Variants in SENP5 observed in about 807,000 individuals in gnomAD.
SENP5 encodes the protein sentrin-specific protease 5.
A neutral mutation model predicts 74.2 loss-of-function variants in SENP5; 21 were observed. The observed-to-expected ratio is 0.28, with a 90% CI of 0.20 to 0.41. The LOEUF (loss-of-function observed/expected upper bound fraction) is 0.41, where lower values mean the gene tolerates loss of function less well. Among genes scored for constraint, SENP5 ranks in the 10% least tolerant of loss-of-function variants. The pLI, the probability that SENP5 is intolerant of heterozygous loss-of-function variation, is 1.00. For synonymous variants in SENP5, 311 were observed against 312.7 expected, an observed-to-expected ratio of 0.99 and a Z score of 0.06; for missense variants, 717 against 889.1, an observed-to-expected ratio of 0.81 and a Z score of 2.46.
intron 1 of SENP5, among the ~76,000 whole-genome samples, chr3:196,869,173 AG>A (rs1316801785): frequency 1.3e-4 from 19 of 147,292 alleles, no homozygotes; most frequent in Admixed American, 1.0e-3. Context: ...GGTGCTGGGG[AG>A]GGGGGCTTCA....
intron 7 of SENP5, among the ~76,000 whole-genome samples, chr3:196,924,740 C>A (rs1216944642): frequency 6.6e-6 from 1 of 152,144 alleles, no homozygotes; most frequent in Non-Finnish European, 1.5e-5. Flanking sequence ...TTCTTGTTAT[C>A]TACTGCATAA....
chr3:196,926,502 T>G (rs1247878123), intron 7 of SENP5, among the ~76,000 whole-genome samples: 1 of 151,598 alleles, frequency 6.6e-6, no homozygotes, highest in East Asian at 1.9e-4. Flanking sequence ...AAAAAAGAAT[T>G]TATATATACT....
rs1314461389 is a variant in SENP5, at chr3:196,927,363, A to G, written c.2023-433A>G. On this transcript the variant is annotated intron_variant, in intron 7 of 9. Transcript: ENST00000323460. Reference sequence around the variant, plus strand: ...TACTGCTGGGAAGGGCTGGCTAACCATCTCATAAAACGTTCTGATTACACA... The same window carrying G: ...TACTGCTGGGAAGGGCTGGCTAACCGTCTCATAAAACGTTCTGATTACACA... 2.6e-5 allele frequency among the ~76,000 whole-genome samples: 4 copies of G among 152,312 alleles called. No individual in the cohort carries two copies. The East Asian group carries it at 7.7e-4, about 29-fold the overall frequency.
At chr3:196,920,755 T>C (rs1480241454) in intron 6 of SENP5, among the ~76,000 whole-genome samples, 4 of 152,232 alleles carry the variant, frequency 2.6e-5, no homozygotes, top group Non-Finnish European at 5.9e-5. Flanking sequence ...CCTATGGTTT[T>C]TCTTCTTTAT....
At chr3:196,910,229 C>T (rs1715065137) in intron 6 of SENP5, among the ~76,000 whole-genome samples, 1 of 151,608 alleles carries the variant, frequency 6.6e-6, no homozygotes, top group South Asian at 2.1e-4. Context: ...AACTACAAAC[C>T]ACTGCTCAAG....
intron 6 of SENP5, among the ~76,000 whole-genome samples, chr3:196,915,500 C>T (rs1486268984): frequency 6.6e-6 from 1 of 152,140 alleles, no homozygotes; most frequent in Admixed American, 6.5e-5. Flanking sequence ...AGGGAAGGGC[C>T]CAGTCTTGGA....
chr3:196,886,385 CAGA>C lies in SENP5; in HGVS notation c.1205_1207del (p.Gln402_Thr403delinsPro). 6.2e-7 allele frequency: 1 copy of C among 1,612,688 alleles called. No individual in the cohort carries two copies. The highest frequency in any genetic ancestry group is 1.7e-4 in the Middle Eastern group (1 of 6,048). ...AATTATGACTCTGGGTCAGGAAAAT[CAGA>C]CAAGTTCTGTCAGTGATGACAGAGT... is the stretch of plus-strand genomic sequence containing the variant. On this transcript the variant is annotated inframe_deletion, in exon 2 of 10. Transcript: ENST00000323460.
chr3:196,885,610 T>C lies in SENP5; in HGVS notation c.429T>C (p.Phe143=). 6.2e-7 allele frequency: 1 copy of C among 1,614,208 alleles called. No individual in the cohort carries two copies. Among genetic ancestry groups the C allele is most frequent in the East Asian group, 2.2e-5 (1 of 44,890 alleles). ...EKNLLKAVTD[F]PSNSALGQAN... is the part of the protein sequence containing the mutation. The stretch of plus-strand genomic sequence containing the variant: ...ATCTCTTGAAGGCAGTTACTGACTT[T>C]CCATCAAATAGTGCTTTAGGTCAGG... Residue 143 remains phenylalanine (F), a synonymous_variant, in exon 2 of 10, where the codon TTT becomes TTC. Transcript: ENST00000323460.
Position 196,885,401 on chromosome 3 carries a change from G to A in SENP5, c.220G>A (p.Glu74Lys). 4 of 1,614,174 alleles carry A rather than the reference G, an allele frequency of 2.5e-6. No individual in the cohort carries two copies. The highest frequency in any genetic ancestry group is 2.5e-6 in the Non-Finnish European group (3 of 1,180,014). The change falls in exon 2 of 10, where the codon GAA (glutamate) becomes AAA (lysine). Residue 74 changes from glutamate to lysine, a missense_variant. Around this residue, in one of 4 missense-constraint regions of SENP5, gnomAD observed 567 missense variants for 577.4 expected, o/e 0.98. Transcript: ENST00000323460. ...AATCCAGAAAACGTGGATCAAGGATGAACCCCTTTGTGCTAAGACCAAGTT... is the reference window on the plus strand; with the variant it reads ...AATCCAGAAAACGTGGATCAAGGATAAACCCCTTTGTGCTAAGACCAAGTT... ...LQIQKTWIKD[E>K]PLCAKTKFNV...
intron 2 of SENP5, among the ~76,000 whole-genome samples, chr3:196,895,320 G>C (rs892438744): frequency 6.6e-6 from 1 of 151,618 alleles, no homozygotes; most frequent in African/African-American, 2.4e-5. Flanking sequence ...CGAGTAGCTG[G>C]GACTACAGGC....
At chr3:196,902,516 C>T (rs1399772751) in intron 5 of SENP5, among the ~76,000 whole-genome samples, 1 of 152,208 alleles carries the variant, frequency 6.6e-6, no homozygotes, top group Non-Finnish European at 1.5e-5. Flanking sequence ...AACCAGATTA[C>T]TGGGCCCTGC....
intron 6 of SENP5, chr3:196,914,424 T>C (rs183028681): frequency 2.0e-5 from 3 of 151,384 alleles, no homozygotes; most frequent in East Asian, 1.9e-4. Context: ...GGGTAAAATA[T>C]TGTGATTGAT....
intron 1 of SENP5, among the ~76,000 whole-genome samples, chr3:196,877,111 G>A (rs1713510419): frequency 6.6e-6 from 1 of 151,974 alleles, no homozygotes; most frequent in South Asian, 2.1e-4. Context: ...TTTGAGGCCA[G>A]GAGTTCAAGA....
intron 6 of SENP5, chr3:196,913,840 G>T (rs1257347847): frequency 6.6e-6 from 1 of 151,846 alleles, no homozygotes; most frequent in African/African-American, 2.4e-5. Context: ...AGTAGAGACA[G>T]GTTTTGCCAC....
intron 6 of SENP5, among the ~76,000 whole-genome samples, chr3:196,909,790 A>G (rs769933513): frequency 6.6e-6 from 1 of 152,214 alleles, no homozygotes; most frequent in Admixed American, 6.5e-5. Context: ...TGACAAACCC[A>G]TAGCCAATAT....
chr3:196,878,749 GTCTGGC>G (rs1713590643), intron 1 of SENP5, among the ~76,000 whole-genome samples: 1 of 152,052 alleles, frequency 6.6e-6, no homozygotes, highest in Admixed American at 6.6e-5. Context: ...CCGCCACCAT[GTCTGGC>G]TCATTTTTGT....
In SENP5 at chr3:196,899,736, A is replaced by G. The variant is rs1376792188; in HGVS notation, c.1584A>G (p.Arg528=). The change falls in exon 3 of 10, where the codon AGA becomes AGG. Residue 528 remains arginine (R), a synonymous_variant. Transcript: ENST00000323460. ...VPLSEKEVLG[R]LKDVFNEDFS... Reference sequence around the variant, plus strand: ...TCAGTGAAAAAGAAGTCCTTGGAAGATTAAAAGATGTCTTTAATGAAGACT... The same window carrying G: ...TCAGTGAAAAAGAAGTCCTTGGAAGGTTAAAAGATGTCTTTAATGAAGACT... 1 of 1,608,906 alleles carries G rather than the reference A, an allele frequency of 6.2e-7. No homozygotes were observed. Among genetic ancestry groups the G allele is most frequent in the Non-Finnish European group, 8.5e-7 (1 of 1,175,420 alleles).
intron 4 of SENP5, 85 bp from the exon 5 acceptor site, chr3:196,900,280 C>A: frequency 7.6e-7 from 1 of 1,310,874 alleles, no homozygotes; most frequent in Non-Finnish European, 1.1e-6. Flanking sequence ...GGGTTAGTAG[C>A]CTGGTTTTAT....
chr3:196,897,722 A>G (rs1216359420), intron 2 of SENP5, among the ~76,000 whole-genome samples: 1 of 152,094 alleles, frequency 6.6e-6, no homozygotes, highest in Non-Finnish European at 1.5e-5. Context: ...AACAATCCTC[A>G]TTTTTCCTGT....
Sources: gnomAD v4.1 joint callset for allele counts (sites outside exome capture counted in the v4.1 genomes callset) on GRCh38, gnomAD v4.1.1 for gene constraint, gnomAD v4.1.1 regional missense constraint, MANE v1.5 for transcripts, NCBI Gene and HGNC (gene_info 2026-07-23, HGNC 2026-07-21) for gene names.